The following IRAG2 variants were observed in gnomAD, a reference collection of about 807,000 sequenced individuals.
IRAG2 encodes lymphoid restricted membrane protein.
A neutral mutation model predicts 69.9 loss-of-function variants in IRAG2; 45 were observed. That is an observed-to-expected ratio of 0.64 (90% CI 0.51 to 0.83). The LOEUF (loss-of-function observed/expected upper bound fraction) is 0.83. Ranked by LOEUF, IRAG2 falls within the 40% of genes least tolerant of loss-of-function variation. The pLI, the probability that IRAG2 is intolerant of heterozygous loss-of-function variation, is 0.00. For synonymous variants in IRAG2, 193 were observed against 202.4 expected, an observed-to-expected ratio of 0.95 and a Z score of 0.40; for missense variants, 520 against 587.0, an observed-to-expected ratio of 0.89 and a Z score of 1.18.
At chr12:25,075,495 AAAT>A (rs1413442795) in intron 6 of IRAG2, among the ~76,000 whole-genome samples, 1 of 151,002 alleles carries the variant, frequency 6.6e-6, no homozygotes, top group Non-Finnish European at 1.5e-5. Context: ...CTAAATATTG[AAAT>A]AATATTGCTG....
At chr12:25,076,002 G>A (rs868548866) in intron 6 of IRAG2, among the ~76,000 whole-genome samples, 3 of 152,120 alleles carry the variant, frequency 2.0e-5, no homozygotes, top group Middle Eastern at 3.4e-3. Flanking sequence ...CCCAAATGTG[G>A]AAAGTTTTTG....
intron 3 of IRAG2, 40 bp from the exon 4 acceptor site, chr12:25,063,680 A>G: frequency 2.5e-6 from 1 of 397,198 alleles, no homozygotes; most frequent in Non-Finnish European, 4.4e-6. Flanking sequence ...TATATGTTAC[A>G]TTCCTTTAGA....
At chr12:25,096,801 C>A in intron 14 of IRAG2, 109 bp from the exon 15 acceptor site, 1 of 779,202 alleles carries the variant, frequency 1.3e-6, no homozygotes. Flanking sequence ...CATCTTCCAC[C>A]GAAATAATTG....
chr12:25,089,842 C>G, intron 13 of IRAG2, 52 bp downstream of exon 13: 1 of 1,573,444 alleles, frequency 6.4e-7, no homozygotes, highest in East Asian at 2.2e-5. Flanking sequence ...CCAGACTCAC[C>G]TGCTACAGTC....
chr12:25,051,790 A>T (rs1944878655), upstream of IRAG2, among the ~76,000 whole-genome samples: 1 of 152,328 alleles, frequency 6.6e-6, no homozygotes. Context: ...AGGTCATGAA[A>T]CAAAGCTCTC....
rs781555051 is a variant in IRAG2, at chr12:25,066,665, C to CTT, written c.-59+167_-59+168dup. Among the ~76,000 whole-genome samples the CTT allele has an allele frequency of 1.2e-4, 17 of 142,080 alleles. No homozygotes were observed. In the South Asian group the frequency reaches 1.8e-3, roughly 15 times the overall value. 93.2% of individuals were successfully genotyped at this position (142,080 alleles called of 152,430 possible). ...CTGAAAATTTACAATTTCTTTCTTTCTTTTTTTTTTTTTTTGAGATGGAAT... is the reference window on the plus strand; with the variant it reads ...CTGAAAATTTACAATTTCTTTCTTTCTTTTTTTTTTTTTTTTTGAGATGGAAT... On this transcript the variant is annotated intron_variant, in intron 5 of 21. Transcript: ENST00000556887.
chr12:25,052,892 A>G lies in IRAG2; in HGVS notation c.-511A>G. The G allele has an allele frequency of 2.5e-6, 1 of 398,634 alleles. No homozygotes were observed. Among genetic ancestry groups the G allele is most frequent in the African/African-American group, 2.1e-5 (1 of 48,752 alleles). 24.7% of individuals were successfully genotyped at this position (398,634 alleles called of 1,614,324 possible). On this transcript the variant is annotated 5_prime_UTR_variant, in exon 1 of 22. Coordinates refer to ENST00000556887, the MANE Select transcript of IRAG2 (RefSeq NM_001366544.2). Reference sequence around the variant, plus strand: ...CAATTTCGGAACAACGGAACCTTCAAACTATAAATACTGAATTATCGAACA... The same window carrying G: ...CAATTTCGGAACAACGGAACCTTCAGACTATAAATACTGAATTATCGAACA...
intron 8 of IRAG2, chr12:25,023,963 A>G (rs1944603104): frequency 9.3e-7 from 1 of 1,073,440 alleles, no homozygotes; most frequent in Non-Finnish European, 1.2e-6. Context: ...CAAACATGCA[A>G]ATCATATCAT....
intron 3 of IRAG2, among the ~76,000 whole-genome samples, chr12:25,013,336 G>A (rs1283464842): frequency 2.0e-5 from 3 of 152,176 alleles, no homozygotes; most frequent in Non-Finnish European, 2.9e-5. Flanking sequence ...AAATTAGCCA[G>A]GAGTGGTGGC....
chr12:25,058,935 A>G (rs967681331), intron 1 of IRAG2, among the ~76,000 whole-genome samples: 2 of 152,248 alleles, frequency 1.3e-5, no homozygotes, highest in African/African-American at 4.8e-5. Context: ...TTGTTTTGCC[A>G]TGTGGAAAAT....
At chr12:25,052,264 T>G (rs1944896893), upstream of IRAG2, 1 of 344,310 alleles carries the variant, frequency 2.9e-6, no homozygotes. Flanking sequence ...ATTAAACAAC[T>G]ACAGGAAGAT....
At chr12:25,107,528 C>T (rs1949270921) in intron 21 of IRAG2, among the ~76,000 whole-genome samples, 1 of 151,472 alleles carries the variant, frequency 6.6e-6, no homozygotes, top group South Asian at 2.1e-4. Context: ...GAATATGTTG[C>T]CTTACCTTAC....
intron 8 of IRAG2, among the ~76,000 whole-genome samples, chr12:25,025,769 GTAATATATCCAAAGATATTTGT>G (rs543734892): frequency 1.3e-5 from 2 of 152,294 alleles, no homozygotes; most frequent in African/African-American, 4.8e-5. Context: ...GAAATGCTTT[GTAATATATCCAAAGATATTTGT>G]TATGTTTTCA....
chr12:25,002,171 C>T (rs1477430097), upstream of IRAG2, among the ~76,000 whole-genome samples: 2 of 152,164 alleles, frequency 1.3e-5, no homozygotes, highest in Non-Finnish European at 2.9e-5. Context: ...GGTGAAGCCT[C>T]TTCTGTCATT....
intron 6 of IRAG2, chr12:25,075,590 A>T (rs1946643942): frequency 6.6e-6 from 1 of 150,418 alleles, no homozygotes; most frequent in African/African-American, 2.5e-5. Context: ...GACCCAGCCC[A>T]TGGGAGAATC....
At chr12:25,035,296 C>T (rs1006555151) in intron 13 of IRAG2, among the ~76,000 whole-genome samples, 2 of 152,156 alleles carry the variant, frequency 1.3e-5, no homozygotes, top group African/African-American at 4.8e-5. Flanking sequence ...ACAAAAGAAG[C>T]CAACCTGTTT....
chr12:25,023,633 T>C (rs1262674884), intron 7 of IRAG2, among the ~76,000 whole-genome samples: 1 of 152,298 alleles, frequency 6.6e-6, no homozygotes, highest in Non-Finnish European at 1.5e-5. Flanking sequence ...TTTTGTCTTT[T>C]CCTCCCTAAC....
Position 25,021,009 on chromosome 12 carries a change from T to A in IRAG2, c.1332+102T>A, listed in dbSNP as rs1476166429. 7.2e-5 allele frequency: 35 copies of A among 487,992 alleles called. No individual in the cohort carries two copies. The South Asian group carries it at 2.0e-3, about 28-fold the overall frequency. 30.2% of individuals were successfully genotyped at this position (487,992 alleles called of 1,614,324 possible). The stretch of plus-strand genomic sequence containing the variant: ...GGAACATCAGAAGTCAATATCCTGA[T>A]GAATGAATTGGTAACACTTTAGAAA... On this transcript the variant is annotated intron_variant, in intron 7 of 38. Coordinates refer to the IRAG2 transcript ENST00000636465.
intron 9 of IRAG2, among the ~76,000 whole-genome samples, chr12:25,081,850 G>T (rs1310661820): frequency 6.6e-6 from 1 of 152,124 alleles, no homozygotes. Context: ...AGTACAGAAT[G>T]TTAAGTATAG....
Sources: allele counts gnomAD v4.1 joint callset (sites outside exome capture counted in the v4.1 genomes callset), GRCh38; gene constraint gnomAD v4.1.1; transcripts MANE v1.5; gene names NCBI Gene and HGNC (gene_info 2026-07-23, HGNC 2026-07-21).